Variants in SLC9A5 observed in about 807,000 individuals in gnomAD.
The protein encoded by SLC9A5 is solute carrier family 9 member A5, also known as sodium/hydrogen exchanger 5.
SLC9A5 carries 52 observed loss-of-function variants against 91.7 expected under a neutral mutation model. The observed-to-expected ratio is 0.57, with a 90% CI of 0.45 to 0.71. The LOEUF is 0.71. Among genes scored for constraint, SLC9A5 ranks in the 30% least tolerant of loss-of-function variants. SLC9A5 has a pLI of 0.00. For synonymous variants in SLC9A5, 419 were observed against 474.5 expected, an observed-to-expected ratio of 0.88 and a Z score of 1.52; for missense variants, 871 against 1,158.9, an observed-to-expected ratio of 0.75 and a Z score of 3.61.
Position 67,270,811 on chromosome 16 carries a change from G to C in SLC9A5, c.2292G>C (p.Trp764Cys), listed in dbSNP as rs1444132428. ...SPTCAEKELP[W>C]KSGQGDLAVY... ...CCTGTGCAGAAAAGGAGCTCCCCTG[G>C]AAGAGTGGGCAGGGGGACCTGGCAG... The change falls in exon 16 of 16, where the codon TGG becomes TGC. Residue 764 changes from tryptophan to cysteine, a missense_variant. This residue lies in a region of SLC9A5 where 295 missense variants were observed against 326.0 expected (regional missense o/e 0.90). Coordinates refer to ENST00000299798, the MANE Select transcript of SLC9A5 (RefSeq NM_004594.3). This position sits in a 1 kb window ranked among gnomAD's most constrained non-coding sequence, Gnocchi z 4.3. 2.5e-6 allele frequency: 4 copies of C among 1,613,948 alleles called. No individual in the cohort carries two copies. The highest frequency in any genetic ancestry group is 1.3e-5 in the African/African-American group (1 of 74,886).
At chr16:67,268,711 T>TATATATATA (rs55635044) in intron 15 of SLC9A5, among the ~76,000 whole-genome samples, 103 of 97,464 alleles carry the variant, frequency 1.1e-3, no homozygotes, top group Non-Finnish European at 1.2e-3. Flanking sequence ...TATATATATA[T>TATATATATA]TTTTACAGTA....
In SLC9A5 at chr16:67,271,256, T is replaced by C; in HGVS notation, c.*46T>C. The C allele has an allele frequency of 6.6e-7, 1 of 1,523,466 alleles. No homozygotes were observed. Among genetic ancestry groups the C allele is most frequent in the Middle Eastern group, 1.7e-4 (1 of 5,930 alleles). 94.4% of individuals were successfully genotyped at this position (1,523,466 alleles called of 1,614,324 possible). A position where few individuals can be genotyped will look rare whatever the true frequency, so the allele number is the denominator to read the frequency against. ...CAGGAGGTGGAATCCCTGTGGGAAG[T>C]GCTCCCTGGGTGATGGGTAGAGCCC... On this transcript the variant is annotated 3_prime_UTR_variant, in exon 16 of 16. Coordinates refer to ENST00000299798, the MANE Select transcript of SLC9A5 (RefSeq NM_004594.3).
In SLC9A5 at chr16:67,249,221, C is replaced by A. The variant is rs530437419; in HGVS notation, c.187+20C>A. 2.8e-6 allele frequency: 4 copies of A among 1,404,800 alleles called. No homozygotes were observed. The highest frequency in any genetic ancestry group is 3.0e-5 in the South Asian group (2 of 65,816). The allele number at this position is 1,404,800 out of a possible 1,614,324, so 87.0% of individuals were successfully genotyped here. ...AAATCGGTGAGTGCGTGTGTGCGTG[C>A]GCCAGGCCGACCGCCAGCGGCGGAC... is the stretch of plus-strand genomic sequence containing the variant. On this transcript the variant is annotated intron_variant, in intron 1 of 15. Transcript: ENST00000299798.
chr16:67,252,013 G>A lies in SLC9A5; in HGVS notation c.188-529G>A, dbSNP rs947169766. On this transcript the variant is annotated intron_variant, in intron 1 of 15. Transcript: ENST00000299798. The surrounding 1 kb of genome is among the most constrained non-coding windows in gnomAD (Gnocchi z 4.0). ...TATAAAGGAAGGGACATTTCTAGAA[G>A]GGGAAAAAGCAGTAAAGGCCTAGGT... Among the ~76,000 whole-genome samples the A allele has an allele frequency of 1.2e-4, 19 of 152,188 alleles. 1 individual carries two copies. Among genetic ancestry groups the A allele is most frequent in the Non-Finnish European group, 2.9e-5 (2 of 68,030 alleles).
At chr16:67,264,236 T>C (rs2035624338) in intron 12 of SLC9A5, 116 bp from the exon 13 acceptor site, 1 of 839,546 alleles carries the variant, frequency 1.2e-6, no homozygotes, top group African/African-American at 1.7e-5. Flanking sequence ...CCATTGTTAA[T>C]TCTGGAAAAG....
chr16:67,250,852 T>C (rs1306043914), intron 1 of SLC9A5, among the ~76,000 whole-genome samples: 1 of 152,176 alleles, frequency 6.6e-6, no homozygotes, highest in Admixed American at 6.5e-5. Context: ...CCAGGGATTA[T>C]GTAGAGAGAG....
chr16:67,266,146 G>A lies in SLC9A5; in HGVS notation c.2139G>A (p.Glu713=), dbSNP rs757973433. 3.7e-6 allele frequency: 6 copies of A among 1,611,818 alleles called. No individual in the cohort carries two copies. The highest frequency in any genetic ancestry group is 5.1e-6 in the Non-Finnish European group (6 of 1,178,994). Residue 713 remains glutamate (E), a synonymous_variant, in exon 15 of 16, where the codon GAG becomes GAA. Transcript: ENST00000299798. ...EEEEEESDSS[E]TEKEDDEGII... ...AGGAGGAGGAGAGCGACAGTTCAGA[G>A]ACAGAGAAGGAGGACGATGAGGGGA...
Position 67,257,772 on chromosome 16 carries a change from C to T in SLC9A5, c.1496+171C>T, listed in dbSNP as rs1372980638. On this transcript the variant is annotated intron_variant, in intron 9 of 15. Coordinates refer to ENST00000299798, the MANE Select transcript of SLC9A5 (RefSeq NM_004594.3). The surrounding 1 kb of genome is among the most constrained non-coding windows in gnomAD (Gnocchi z 5.1). Reference sequence around the variant, plus strand: ...GCTCTCAGGTTAAGACAAGGCTCCCCAGTGTGGCCTGCTTGGCCCTGCATG... The same window carrying T: ...GCTCTCAGGTTAAGACAAGGCTCCCTAGTGTGGCCTGCTTGGCCCTGCATG... Among the ~76,000 whole-genome samples, 2 of 152,220 alleles carry T rather than the reference C, an allele frequency of 1.3e-5. No individual in the cohort carries two copies. Among genetic ancestry groups the T allele is most frequent in the Non-Finnish European group, 1.5e-5 (1 of 68,032 alleles).
In SLC9A5 at chr16:67,258,888, A is replaced by G; in HGVS notation, c.1626+441A>G. 6.7e-6 allele frequency among the ~76,000 whole-genome samples: 1 copy of G among 148,464 alleles called. No individual in the cohort carries two copies. On this transcript the variant is annotated intron_variant, in intron 10 of 15. Transcript: ENST00000299798. This position sits in a 1 kb window ranked among gnomAD's most constrained non-coding sequence, Gnocchi z 4.5. The stretch of plus-strand genomic sequence containing the variant: ...TGGTGAAACCCTGTCTCTACTAAAA[A>G]TACAAAAACTAGCCAGGCATGGTGG...
In SLC9A5 at chr16:67,255,580, T is replaced by C. The variant is rs757411758; in HGVS notation, c.733+109T>C. 8 of 1,339,230 alleles carry C rather than the reference T, an allele frequency of 6.0e-6. No homozygotes were observed. Among genetic ancestry groups the C allele is most frequent in the Non-Finnish European group, 8.5e-6 (8 of 944,516 alleles). The allele number at this position is 1,339,230 out of a possible 1,614,324, so 83.0% of individuals were successfully genotyped here. A position where few individuals can be genotyped will look rare whatever the true frequency, so the allele number is the denominator to read the frequency against. Reference sequence around the variant, plus strand: ...AAGAGGCTATTCGGGTTGCCTCATCTCCTCTATAGAGAAATGGGGTCTGGG... The same window carrying C: ...AAGAGGCTATTCGGGTTGCCTCATCCCCTCTATAGAGAAATGGGGTCTGGG... On this transcript the variant is annotated intron_variant, in intron 4 of 15. Coordinates refer to ENST00000299798, the MANE Select transcript of SLC9A5 (RefSeq NM_004594.3). The surrounding 1 kb of genome is among the most constrained non-coding windows in gnomAD (Gnocchi z 4.9).
Position 67,270,976 on chromosome 16 carries a change from A to C in SLC9A5, c.2457A>C (p.Pro819=), listed in dbSNP as rs766710071. The C allele has an allele frequency of 6.2e-7, 1 of 1,613,856 alleles. No homozygotes were observed. Among genetic ancestry groups the C allele is most frequent in the South Asian group, 1.1e-5 (1 of 91,058 alleles). ...APILTCLPPH[P]RGTEEPQVPL... is the part of the protein sequence containing the mutation. Reference sequence around the variant, plus strand: ...TTCTGACCTGCCTGCCTCCCCATCCACGGGGCACTGAAGAGCCCCAGGTCC... The same window carrying C: ...TTCTGACCTGCCTGCCTCCCCATCCCCGGGGCACTGAAGAGCCCCAGGTCC... Residue 819 remains proline, a synonymous_variant, in exon 16 of 16, where the codon CCA becomes CCC. Coordinates refer to ENST00000299798, the MANE Select transcript of SLC9A5 (RefSeq NM_004594.3). The surrounding 1 kb of genome is among the most constrained non-coding windows in gnomAD (Gnocchi z 4.3).
At chr16:67,251,610 C>T (rs900124388) in intron 1 of SLC9A5, among the ~76,000 whole-genome samples, 2 of 151,830 alleles carry the variant, frequency 1.3e-5, no homozygotes, top group East Asian at 1.9e-4. Context: ...GACAGGGTTT[C>T]GCCGTGCTGG....
At chr16:67,259,057 G>A (rs763306156) in intron 10 of SLC9A5, among the ~76,000 whole-genome samples, 4 of 151,862 alleles carry the variant, frequency 2.6e-5, no homozygotes, top group Admixed American at 6.6e-5. Context: ...TCAGGAGTTC[G>A]AAACCGGCCT....
At position 67,252,922 on chromosome 16, in the gene SLC9A5, G is replaced by C. The variant is rs1333835257; in HGVS notation, c.490+78G>C. On this transcript the variant is annotated intron_variant, in intron 2 of 15. Transcript: ENST00000299798. This position sits in a 1 kb window ranked among gnomAD's most constrained non-coding sequence, Gnocchi z 4.0. ...TCCTCAAGCTCTGGAGGCCCATGCT[G>C]GTGTGAGCCATGCCCTGAAAGCTCC... 2.9e-5 allele frequency: 38 copies of C among 1,323,286 alleles called. No homozygotes were observed. The highest frequency in any genetic ancestry group is 2.4e-5 in the Non-Finnish European group (23 of 971,862). 82.0% of individuals were successfully genotyped at this position (1,323,286 alleles called of 1,614,324 possible). A position where few individuals can be genotyped will look rare whatever the true frequency, so the allele number is the denominator to read the frequency against.
chr16:67,268,676 ATATAT>A (rs1171609439), intron 15 of SLC9A5, among the ~76,000 whole-genome samples: 1 of 47,036 alleles, frequency 2.1e-5, no homozygotes, highest in African/African-American at 1.3e-4. Context: ...ATATATATAT[ATATAT>A]ATATATATAT....
Position 67,252,921 on chromosome 16 carries a change from T to C in SLC9A5, c.490+77T>C, listed in dbSNP as rs1056741639. ...CTCCTCAAGCTCTGGAGGCCCATGCTGGTGTGAGCCATGCCCTGAAAGCTC... is the reference window on the plus strand; with the variant it reads ...CTCCTCAAGCTCTGGAGGCCCATGCCGGTGTGAGCCATGCCCTGAAAGCTC... On this transcript the variant is annotated intron_variant, in intron 2 of 15. Coordinates refer to ENST00000299798, the MANE Select transcript of SLC9A5 (RefSeq NM_004594.3). The surrounding 1 kb of genome is among the most constrained non-coding windows in gnomAD (Gnocchi z 4.0). 33 of 1,334,664 alleles carry C rather than the reference T, an allele frequency of 2.5e-5. No individual in the cohort carries two copies. Among genetic ancestry groups the C allele is most frequent in the Non-Finnish European group, 3.3e-5 (32 of 981,402 alleles). The allele number at this position is 1,334,664 out of a possible 1,614,324, so 82.7% of individuals were successfully genotyped here.
Position 67,264,970 on chromosome 16 carries a change from C to T in SLC9A5, c.2014-70C>T, listed in dbSNP as rs2035651253. ...GGGTTAGGAAAACTTGTCCTGTTGA[C>T]CCCACCAGATGACAGGGTTGGGGTG... On this transcript the variant is annotated intron_variant, in intron 13 of 15. Transcript: ENST00000299798. 3 of 1,503,630 alleles carry T rather than the reference C, an allele frequency of 2.0e-6. No homozygotes were observed. The South Asian group carries it at 3.4e-5, about 17-fold the overall frequency. The allele number at this position is 1,503,630 out of a possible 1,614,324, so 93.1% of individuals were successfully genotyped here.
Position 67,252,435 on chromosome 16 carries a change from G to A in SLC9A5, c.188-107G>A. 2 of 996,672 alleles carry A rather than the reference G, an allele frequency of 2.0e-6. No individual in the cohort carries two copies. Among genetic ancestry groups the A allele is most frequent in the Non-Finnish European group, 3.0e-6 (2 of 673,784 alleles). 61.7% of individuals were successfully genotyped at this position (996,672 alleles called of 1,614,324 possible). ...ACTGCACTCCAGCTTGGGCAACAGAGTGAGACTTCATCTCAAAAAAAAAAA... is the reference window on the plus strand; with the variant it reads ...ACTGCACTCCAGCTTGGGCAACAGAATGAGACTTCATCTCAAAAAAAAAAA... On this transcript the variant is annotated intron_variant, in intron 1 of 15. Coordinates refer to ENST00000299798, the MANE Select transcript of SLC9A5 (RefSeq NM_004594.3). The surrounding 1 kb of genome is among the most constrained non-coding windows in gnomAD (Gnocchi z 4.0).
At position 67,255,948 on chromosome 16, in the gene SLC9A5, T is replaced by C. The variant is rs188357454; in HGVS notation, c.911+18T>C. On this transcript the variant is annotated intron_variant, in intron 5 of 15. Coordinates refer to ENST00000299798, the MANE Select transcript of SLC9A5 (RefSeq NM_004594.3). This position sits in a 1 kb window ranked among gnomAD's most constrained non-coding sequence, Gnocchi z 4.9. Reference sequence around the variant, plus strand: ...ATTCTTGCGTGAGTTCTGGGGGCCTTGCAGGCAGATAGCTGGGAGGGGGCA... The same window carrying C: ...ATTCTTGCGTGAGTTCTGGGGGCCTCGCAGGCAGATAGCTGGGAGGGGGCA... 2 of 1,608,964 alleles carry C rather than the reference T, an allele frequency of 1.2e-6. No individual in the cohort carries two copies. Among genetic ancestry groups the C allele is most frequent in the African/African-American group, 1.3e-5 (1 of 74,944 alleles).
Sources: allele counts gnomAD v4.1 joint callset (sites outside exome capture counted in the v4.1 genomes callset), GRCh38; gene constraint gnomAD v4.1.1; regional missense constraint gnomAD v4.1.1; non-coding constraint Gnocchi (gnomAD v3.1); transcripts MANE v1.5; gene names NCBI Gene and HGNC (gene_info 2026-07-23, HGNC 2026-07-21).